CRYBG1: variants seen among roughly 807,000 people sequenced by gnomAD.
The protein encoded by CRYBG1 is beta/gamma crystallin domain-containing protein 1.
CRYBG1 carries 139 observed loss-of-function variants against 189.2 expected under a neutral mutation model. That is an observed-to-expected ratio of 0.73 (90% CI 0.64 to 0.85). The LOEUF (loss-of-function observed/expected upper bound fraction) is 0.85. CRYBG1 is among the 40% of genes least tolerant of loss of function. The pLI, the probability that CRYBG1 is intolerant of heterozygous loss-of-function variation, is 0.00. For missense variants in CRYBG1, 2,611 were observed against 2,675.8 expected (o/e 0.98, Z 0.53); for synonymous variants, 1,023 against 1,017.1 (o/e 1.01, Z -0.11).
chr6:106,447,940 G>A lies in CRYBG1; in HGVS notation c.174-3754G>A, dbSNP rs929303467. On this transcript the variant is annotated intron_variant, in intron 1 of 21. Coordinates refer to ENST00000633556, the MANE Select transcript of CRYBG1 (RefSeq NM_001371242.2). The stretch of plus-strand genomic sequence containing the variant: ...TTAGGTCTTAGAGACCTCTTGGCAC[G>A]ATTTCAAGTGTATTATTTCTGTGTA... Among the ~76,000 whole-genome samples, 3 of 152,156 alleles carry A rather than the reference G, an allele frequency of 2.0e-5. No homozygotes were observed. In the East Asian group the frequency reaches 5.8e-4, roughly 29 times the overall value.
At chr6:106,472,348 C>A (rs951741775) in intron 2 of CRYBG1, among the ~76,000 whole-genome samples, 1 of 151,986 alleles carries the variant, frequency 6.6e-6, no homozygotes, top group Non-Finnish European at 1.5e-5. Flanking sequence ...TGTCTAGAAC[C>A]TTGGGAAATG....
chr6:106,445,991 C>A (rs1388205801), intron 1 of CRYBG1, among the ~76,000 whole-genome samples: 2 of 152,074 alleles, frequency 1.3e-5, no homozygotes, highest in Non-Finnish European at 2.9e-5. Flanking sequence ...GCTTCCAGTA[C>A]CATGTACATG....
chr6:106,521,709 A>ATTTTT (rs1430149241), intron 4 of CRYBG1, among the ~76,000 whole-genome samples: 2 of 82,264 alleles, frequency 2.4e-5, no homozygotes, highest in African/African-American at 4.7e-5. Context: ...AAGGCACATG[A>ATTTTT]TCTTTTTTTT....
At chr6:106,368,531 G>A (rs897225251) in intron 1 of CRYBG1, among the ~76,000 whole-genome samples, 2 of 152,106 alleles carry the variant, frequency 1.3e-5, no homozygotes, top group African/African-American at 2.4e-5. Flanking sequence ...AATGACCAGC[G>A]AATTGCTTAT....
chr6:106,410,851 A>T (rs1481835045), intron 1 of CRYBG1, among the ~76,000 whole-genome samples: 1 of 152,030 alleles, frequency 6.6e-6, no homozygotes, highest in Non-Finnish European at 1.5e-5. Context: ...CACACTGGGG[A>T]CTGTTGTGGG....
intron 2 of CRYBG1, among the ~76,000 whole-genome samples, chr6:106,494,805 G>A (rs1377498672): frequency 1.3e-5 from 2 of 152,076 alleles, no homozygotes; most frequent in African/African-American, 2.4e-5. Flanking sequence ...AATGGCACAT[G>A]GGATGTAGTT....
At chr6:106,484,610 G>C (rs72933589) in intron 2 of CRYBG1, among the ~76,000 whole-genome samples, 44,297 of 152,010 alleles carry the variant, frequency 0.29, 7,798 homozygotes, top group East Asian at 0.42. Flanking sequence ...GTGAGCCACA[G>C]CACCTGGCCC....
intron 3 of CRYBG1, 57 bp downstream of exon 3, chr6:106,513,096 G>A: frequency 3.3e-6 from 5 of 1,531,370 alleles, no homozygotes; most frequent in Non-Finnish European, 4.4e-6. Flanking sequence ...CTGGGGGTCC[G>A]CTCTGAGAGG....
chr6:106,533,510 A>C (rs1269100090), intron 8 of CRYBG1, among the ~76,000 whole-genome samples: 2 of 152,244 alleles, frequency 1.3e-5, no homozygotes, highest in East Asian at 3.8e-4. Context: ...AAAGAGGCAA[A>C]GGTGGAAGCC....
At chr6:106,439,527 A>G (rs1771530665) in intron 1 of CRYBG1, among the ~76,000 whole-genome samples, 3 of 152,208 alleles carry the variant, frequency 2.0e-5, no homozygotes, top group Non-Finnish European at 4.4e-5. Flanking sequence ...GACTGCAGGA[A>G]TAAAAATCTC....
At chr6:106,447,888 A>T (rs1179812665) in intron 1 of CRYBG1, among the ~76,000 whole-genome samples, 1 of 152,164 alleles carries the variant, frequency 6.6e-6, no homozygotes, top group Non-Finnish European at 1.5e-5. Flanking sequence ...TGAAAGAATG[A>T]ATGCTAGATA....
Position 106,460,183 on chromosome 6 carries a change from G to A in CRYBG1, c.312+8351G>A, listed in dbSNP as rs901171496. ...TTTTTTTGTATTTTTAGTAGAGACG[G>A]GGTTTCACTATGTTAGCCAGGATGG... On this transcript the variant is annotated intron_variant, in intron 2 of 21. Coordinates refer to ENST00000633556, the MANE Select transcript of CRYBG1 (RefSeq NM_001371242.2). Among the ~76,000 whole-genome samples, 5 of 152,076 alleles carry A rather than the reference G, an allele frequency of 3.3e-5. No individual in the cohort carries two copies. The East Asian group carries it at 9.7e-4, about 29-fold the overall frequency.
At chr6:106,374,615 C>G (rs559047489) in intron 1 of CRYBG1, among the ~76,000 whole-genome samples, 1 of 152,192 alleles carries the variant, frequency 6.6e-6, no homozygotes, top group South Asian at 2.1e-4. Flanking sequence ...TTAATCCTCA[C>G]AGAGGATGAA....
intron 1 of CRYBG1, among the ~76,000 whole-genome samples, chr6:106,377,656 T>C (rs980700898): frequency 6.7e-6 from 1 of 150,006 alleles, no homozygotes; most frequent in Non-Finnish European, 1.5e-5. Flanking sequence ...TATTTTCATT[T>C]GCAGTCTGTC....
chr6:106,512,388 C>A lies in CRYBG1; in HGVS notation c.1271C>A (p.Ser424Ter), dbSNP rs752323326. The part of the protein sequence containing the change: ...SGRRSGRRRG[S>*]QKSTDSPGAD... ...CGTAGGTCGGGGAGGCGGAGGGGGT[C>A]GCAGAAATCCACCGACTCCCCCGGC... Residue 424 changes from serine (S) to a stop codon, truncating the protein, a stop_gained, in exon 3 of 22, where the codon TCG becomes TAG. Transcript: ENST00000633556. LOFTEE classifies it high-confidence loss of function. 2 of 1,610,328 alleles carry A rather than the reference C, an allele frequency of 1.2e-6. No individual in the cohort carries two copies. The highest frequency in any genetic ancestry group is 1.1e-5 in the South Asian group (1 of 90,548).
chr6:106,493,022 T>C (rs993932764), intron 2 of CRYBG1, among the ~76,000 whole-genome samples: 2 of 152,050 alleles, frequency 1.3e-5, no homozygotes, highest in Non-Finnish European at 2.9e-5. Flanking sequence ...TCTATTTTTA[T>C]CCTTTTACAT....
chr6:106,457,816 A>G (rs28695580), intron 2 of CRYBG1, among the ~76,000 whole-genome samples: 3,837 of 152,282 alleles, frequency 0.025, 152 homozygotes, highest in African/African-American at 0.087. Context: ...AGGAGTCCCT[A>G]TGTGCTCTAT....
intron 1 of CRYBG1, among the ~76,000 whole-genome samples, chr6:106,379,508 G>A (rs571943213): frequency 2.3e-4 from 35 of 152,030 alleles, no homozygotes; most frequent in Admixed American, 1.4e-3. Context: ...TGATCCACCC[G>A]CCTCGGCCTC....
intron 10 of CRYBG1, 123 bp from the exon 11 acceptor site, chr6:106,543,317 A>T (rs1164905996): frequency 2.0e-6 from 2 of 978,644 alleles, no homozygotes; most frequent in Non-Finnish European, 3.0e-6. Flanking sequence ...GGCGTGAGCC[A>T]CCGCGCCCAG....
Sources: gnomAD v4.1 joint callset for allele counts (sites outside exome capture counted in the v4.1 genomes callset) on GRCh38, gnomAD v4.1.1 for gene constraint, MANE v1.5 for transcripts, NCBI Gene and HGNC (gene_info 2026-07-23, HGNC 2026-07-21) for gene names.